Variants in L3HYPDH observed in about 807,000 individuals in gnomAD.
The protein encoded by L3HYPDH is trans-3-hydroxy-L-proline dehydratase.
A neutral mutation model predicts 26.5 loss-of-function variants in L3HYPDH; 32 were observed. That is an observed-to-expected ratio of 1.21 (90% CI 0.91 to 1.62). The LOEUF is 1.62. Ranked by LOEUF, L3HYPDH falls within the 40% of genes most tolerant of loss-of-function variation. L3HYPDH has a pLI of 0.00. For missense variants in L3HYPDH, 554 were observed against 476.4 expected (o/e 1.16, Z -1.52); for synonymous variants, 215 against 196.6 (o/e 1.09, Z -0.78).
downstream of L3HYPDH, among the ~76,000 whole-genome samples, chr14:59,470,952 G>A (rs1460262338): frequency 9.7e-6 from 1 of 102,890 alleles, no homozygotes; most frequent in Admixed American, 9.5e-5. Flanking sequence ...GGGTGGCTGG[G>A]GGCGGGGGGG....
chr14:59,489,596 C>T, the L3HYPDH span, among the ~76,000 whole-genome samples: 38 of 152,384 alleles, frequency 2.5e-4, no homozygotes, highest in African/African-American at 9.1e-4. Context: ...TGGTACCCAG[C>T]TCCAAAGCTG....
chr14:59,484,996 A>T, upstream of L3HYPDH: 1 of 1,582,442 alleles, frequency 6.3e-7, no homozygotes, highest in Non-Finnish European at 8.5e-7. Flanking sequence ...GTAGATTTAT[A>T]GCGCCCGTCA....
chr14:59,469,790 G>T (rs559057337), downstream of L3HYPDH, among the ~76,000 whole-genome samples: 1 of 152,054 alleles, frequency 6.6e-6, no homozygotes, highest in Non-Finnish European at 1.5e-5. Flanking sequence ...AAATGATCTT[G>T]GTTGTCCTCT....
the L3HYPDH span, among the ~76,000 whole-genome samples, chr14:59,496,113 C>T: frequency 2.6e-4 from 40 of 152,266 alleles, no homozygotes; most frequent in African/African-American, 9.4e-4. Context: ...GCCATGTTGG[C>T]CAGGCTGGTC....
chr14:59,498,877 C>T, the L3HYPDH span: 27 of 1,610,158 alleles, frequency 1.7e-5, no homozygotes, highest in African/African-American at 1.5e-4. Flanking sequence ...CAATTTTAAC[C>T]GTGCTTCAGG....
chr14:59,485,164 C>G, upstream of L3HYPDH: 1 of 1,585,518 alleles, frequency 6.3e-7, no homozygotes, highest in South Asian at 1.1e-5. Flanking sequence ...TACTGGTTTT[C>G]AGGCCTTGGA....
upstream of L3HYPDH, chr14:59,484,704 G>T: frequency 7.4e-7 from 1 of 1,358,024 alleles, no homozygotes; most frequent in Non-Finnish European, 1.0e-6. Flanking sequence ...GGCGGCGCAG[G>T]CTCGCCCCTT....
upstream of L3HYPDH, chr14:59,484,948 A>G: frequency 2.7e-6 from 4 of 1,504,340 alleles, no homozygotes; most frequent in Non-Finnish European, 2.6e-6. Context: ...AGCAGAAGCA[A>G]GTTGCTGCAT....
the L3HYPDH span, among the ~76,000 whole-genome samples, chr14:59,496,433 A>G: frequency 2.0e-5 from 3 of 151,928 alleles, no homozygotes; most frequent in East Asian, 5.8e-4. Flanking sequence ...TGAATTGAAT[A>G]TTATATTTAA....
upstream of L3HYPDH, chr14:59,487,844 T>G (rs759957582): frequency 6.2e-7 from 1 of 1,609,032 alleles, no homozygotes; most frequent in South Asian, 1.1e-5. Context: ...CACATTTCTA[T>G]GAACATATCT....
At chr14:59,474,345 A>T in intron 4 of L3HYPDH, 1 of 559,722 alleles carries the variant, frequency 1.8e-6, no homozygotes, top group Non-Finnish European at 3.1e-6. Context: ...AAAGCAGCTT[A>T]GAGTCAGGAG....
At chr14:59,479,109 A>G in intron 2 of L3HYPDH, 73 bp downstream of exon 2, 1 of 1,084,838 alleles carries the variant, frequency 9.2e-7, no homozygotes, top group Non-Finnish European at 1.3e-6. Context: ...AATTTTCTTT[A>G]TAGACATAAT....
chr14:59,504,295 C>G, the L3HYPDH span: 2 of 505,054 alleles, frequency 4.0e-6, no homozygotes, highest in South Asian at 6.1e-5. Flanking sequence ...ATCTGCTACA[C>G]TGGAAGGCCG....
intron 4 of L3HYPDH, chr14:59,474,842 T>A (rs1889518603): frequency 8.8e-6 from 2 of 227,542 alleles, no homozygotes; most frequent in South Asian, 3.3e-4. Flanking sequence ...ATGTTCCATT[T>A]CAGATTTTGA....
upstream of L3HYPDH, chr14:59,484,707 C>G: frequency 7.6e-7 from 1 of 1,316,058 alleles, no homozygotes; most frequent in Non-Finnish European, 1.1e-6. Context: ...GGCGCAGGCT[C>G]GCCCCTTGAC....
upstream of L3HYPDH, chr14:59,487,626 G>A: frequency 6.9e-7 from 1 of 1,452,852 alleles, no homozygotes; most frequent in Non-Finnish European, 9.6e-7. Context: ...GGGTGTTAAT[G>A]TTGTAAAATA....
At chr14:59,503,907 C>T in the L3HYPDH span, 1 of 1,613,544 alleles carries the variant, frequency 6.2e-7, no homozygotes, top group East Asian at 2.2e-5. Context: ...TCTTCAGCCA[C>T]TGGTTACTTC....
At position 59,484,364 on chromosome 14, in the gene L3HYPDH, GC is replaced by G; in HGVS notation, c.-49del. 2 of 1,529,590 alleles carry G rather than the reference GC, an allele frequency of 1.3e-6. No homozygotes were observed. Among genetic ancestry groups the G allele is most frequent in the Non-Finnish European group, 1.8e-6 (2 of 1,138,294 alleles). 94.8% of individuals were successfully genotyped at this position (1,529,590 alleles called of 1,614,324 possible). On this transcript the variant is annotated 5_prime_UTR_variant, in exon 1 of 5. Coordinates refer to ENST00000247194, the MANE Select transcript of L3HYPDH (RefSeq NM_144581.2). ...TACGGTCCCGCAGCTATGGCTTCAA[GC>G]CCGACCCTCACCCACTGACTCCGCG... is the stretch of plus-strand genomic sequence containing the variant.
chr14:59,494,408 T>C, the L3HYPDH span, among the ~76,000 whole-genome samples: 6 of 151,952 alleles, frequency 3.9e-5, no homozygotes, highest in African/African-American at 1.5e-4. Context: ...AGCAATAACA[T>C]GGATGAAACT....
Sources: allele counts gnomAD v4.1 joint callset (sites outside exome capture counted in the v4.1 genomes callset), GRCh38; gene constraint gnomAD v4.1.1; transcripts MANE v1.5; gene names NCBI Gene and HGNC (gene_info 2026-07-23, HGNC 2026-07-21).